HEATR3: variants seen among roughly 807,000 people sequenced by gnomAD.
HEATR3 encodes HEAT repeat containing 3, also known as HEAT repeat-containing protein 3.
Under a neutral mutation model 72.8 loss-of-function variants are expected in HEATR3, and 56 were observed. The ratio of observed to expected loss-of-function variants is 0.77; its 90% CI spans 0.62 to 0.96. The LOEUF (loss-of-function observed/expected upper bound fraction) is 0.96. Ranked by LOEUF, HEATR3 falls within the 40% of genes least tolerant of loss-of-function variation. HEATR3 has a pLI of 0.00. For synonymous variants in HEATR3, 331 were observed against 318.1 expected, an observed-to-expected ratio of 1.04 and a Z score of -0.43; for missense variants, 747 against 831.4, an observed-to-expected ratio of 0.90 and a Z score of 1.25.
chr16:50,102,047 CACTT>C (rs3217165), intron 13 of HEATR3, among the ~76,000 whole-genome samples: 13,064 of 152,062 alleles, frequency 0.086, 635 homozygotes, highest in East Asian at 0.26. Context: ...GATTTTAATT[CACTT>C]TATTTATGAA....
chr16:50,096,601 T>C (rs8062151), intron 12 of HEATR3, among the ~76,000 whole-genome samples: 120,431 of 152,176 alleles, frequency 0.79, 47,793 homozygotes, highest in South Asian at 0.84. Context: ...GAGTTCAAGA[T>C]CAGCCTGGCC....
At chr16:50,081,106 T>C (rs2036857043) in intron 7 of HEATR3, among the ~76,000 whole-genome samples, 2 of 152,256 alleles carry the variant, frequency 1.3e-5, no homozygotes, top group Admixed American at 1.3e-4. Flanking sequence ...TTTTGGTGCT[T>C]GTAAAAATGC....
chr16:50,102,540 C>A, intron 14 of HEATR3, 105 bp downstream of exon 14: 1 of 945,566 alleles, frequency 1.1e-6, no homozygotes, highest in Non-Finnish European at 1.6e-6. Context: ...CATGACGAAT[C>A]CCCATATGTA....
intron 3 of HEATR3, among the ~76,000 whole-genome samples, 166 bp downstream of exon 3, chr16:50,069,033 A>G (rs192372134): frequency 2.6e-5 from 4 of 152,224 alleles, no homozygotes; most frequent in Admixed American, 2.0e-4. Context: ...ACTAATCTCT[A>G]TTATTTTGTA....
At chr16:50,101,916 T>TTTG (rs60310403) in intron 13 of HEATR3, among the ~76,000 whole-genome samples, 16 of 151,868 alleles carry the variant, frequency 1.1e-4, no homozygotes, top group Non-Finnish European at 2.1e-4. Context: ...AAGCAGATTT[T>TTTG]TTGTTGTTGT....
intron 12 of HEATR3, 67 bp downstream of exon 12, chr16:50,094,860 A>G (rs1169112259): frequency 2.5e-6 from 2 of 806,242 alleles, no homozygotes; most frequent in Non-Finnish European, 4.1e-6. Context: ...AAAATTCATT[A>G]CTTCACTATT....
rs1229164781 is a variant in HEATR3, at chr16:50,078,854, A to G, written c.877A>G (p.Ile293Val). 1.2e-6 allele frequency: 2 copies of G among 1,614,044 alleles called. No individual in the cohort carries two copies. Among genetic ancestry groups the G allele is most frequent in the Non-Finnish European group, 8.5e-7 (1 of 1,180,032 alleles). ...VLGMDAGEMVIQMKEAETQRL... is the reference protein window; with the variant it reads ...VLGMDAGEMVVQMKEAETQRL... ...GGGAATGGATGCTGGTGAAATGGTTATTCAAATGAAAGAGGCTGAAACGCA... is the reference window on the plus strand; with the variant it reads ...GGGAATGGATGCTGGTGAAATGGTTGTTCAAATGAAAGAGGCTGAAACGCA... Residue 293 changes from isoleucine to valine, a missense_variant, in exon 7 of 15, where the codon ATT (isoleucine) becomes GTT (valine). Ile to Val is a conservative substitution (Grantham distance 29). Around this residue, in one of 2 missense-constraint regions of HEATR3, gnomAD observed 586 missense variants for 708.8 expected, o/e 0.83. Coordinates refer to ENST00000299192, the MANE Select transcript of HEATR3 (RefSeq NM_182922.4).
At chr16:50,076,994 A>G (rs1329597131) in intron 6 of HEATR3, among the ~76,000 whole-genome samples, 2 of 150,388 alleles carry the variant, frequency 1.3e-5, no homozygotes, top group Admixed American at 6.6e-5. Flanking sequence ...CAGCCTCCCG[A>G]GTAGCTGGGA....
At chr16:50,068,742 G>A (rs2036550831) in intron 2 of HEATR3, 38 bp from the exon 3 acceptor site, 1 of 1,437,054 alleles carries the variant, frequency 7.0e-7, no homozygotes. Context: ...TGTGACATGT[G>A]ATGTGAAAGT....
rs750717794 is a variant in HEATR3 at position 50,084,263 on chromosome 16, C to T, written c.1262C>T (p.Ala421Val). ...TGCCTCTCCCATGAAGTTCACACGGCTCTCACCAACTACCTCATCCCAAAG... is the reference window on the plus strand; with the variant it reads ...TGCCTCTCCCATGAAGTTCACACGGTTCTCACCAACTACCTCATCCCAAAG... ...PLCLSHEVHT[A>V]LTNYLIPKKI... The change falls in exon 9 of 15, where the codon GCT becomes GTT. Residue 421 changes from alanine to valine, a missense_variant. Around this residue, in one of 2 missense-constraint regions of HEATR3, gnomAD observed 586 missense variants for 708.8 expected, o/e 0.83. Coordinates refer to ENST00000299192, the MANE Select transcript of HEATR3 (RefSeq NM_182922.4). 1.1e-5 allele frequency: 17 copies of T among 1,613,980 alleles called. No individual in the cohort carries two copies. The highest frequency in any genetic ancestry group is 1.4e-5 in the Non-Finnish European group (17 of 1,180,032).
chr16:50,066,451 C>T lies in HEATR3; in HGVS notation c.223C>T (p.Leu75=), dbSNP rs1597132893. 1.4e-6 allele frequency: 2 copies of T among 1,389,934 alleles called. No homozygotes were observed. Among genetic ancestry groups the T allele is most frequent in the Non-Finnish European group, 9.3e-7 (1 of 1,080,274 alleles). 86.1% of individuals were successfully genotyped at this position (1,389,934 alleles called of 1,614,324 possible). The part of the protein sequence containing the change: ...LVQQRPALPG[L]ARRDAVRRLG... The stretch of plus-strand genomic sequence containing the variant: ...GCAGCAGCGGCCGGCACTCCCGGGC[C>T]TGGCGCGACGAGACGCCGTGCGCCG... The change falls in exon 2 of 15, where the codon CTG becomes TTG. Residue 75 remains leucine (L), a synonymous_variant. Transcript: ENST00000299192.
rs145709797 is a variant in HEATR3, at chr16:50,084,272, A to G, written c.1271A>G (p.Asn424Ser). 15 of 1,613,958 alleles carry G rather than the reference A, an allele frequency of 9.3e-6. No individual in the cohort carries two copies. The East Asian group carries it at 3.3e-4, about 36-fold the overall frequency. Reference sequence around the variant, plus strand: ...CATGAAGTTCACACGGCTCTCACCAACTACCTCATCCCAAAGAAGGTAATC... The same window carrying G: ...CATGAAGTTCACACGGCTCTCACCAGCTACCTCATCCCAAAGAAGGTAATC... Reference protein sequence around the residue: ...LSHEVHTALTNYLIPKKIFEK... With the variant: ...LSHEVHTALTSYLIPKKIFEK... The change falls in exon 9 of 15, where the codon AAC (asparagine) becomes AGC (serine). Residue 424 changes from asparagine to serine, a missense_variant. Physicochemically the swap from Asn to Ser is conservative, Grantham distance 46. Transcript: ENST00000299192.
At chr16:50,092,576 A>G (rs1001026334) in intron 11 of HEATR3, among the ~76,000 whole-genome samples, 4 of 150,658 alleles carry the variant, frequency 2.7e-5, no homozygotes, top group African/African-American at 9.8e-5. Flanking sequence ...AGCTGGGACT[A>G]CAGGCGCCCG....
In HEATR3 at chr16:50,102,450, A is replaced by AAAT. The variant is rs747752975; in HGVS notation, c.1920+16_1920+17insATA. On this transcript the variant is annotated intron_variant, in intron 14 of 14. Coordinates refer to ENST00000299192, the MANE Select transcript of HEATR3 (RefSeq NM_182922.4). ...TTAAAATGAAGGTTTGTAGCCATTT[A>AAAT]ACTTATAAATACATAAGTCTGAACA... The AAAT allele has an allele frequency of 1.1e-5, 17 of 1,611,062 alleles. No homozygotes were observed. The highest frequency in any genetic ancestry group is 1.4e-5 in the Non-Finnish European group (17 of 1,178,312).
At chr16:50,068,975 A>T (rs1477704239) in intron 3 of HEATR3, 108 bp downstream of exon 3, 1 of 726,162 alleles carries the variant, frequency 1.4e-6, no homozygotes, top group African/African-American at 1.8e-5. Flanking sequence ...CATCTTATGG[A>T]AATTTCATTC....
chr16:50,070,331 C>A, intron 4 of HEATR3, 41 bp downstream of exon 4: 1 of 984,322 alleles, frequency 1.0e-6, no homozygotes, highest in Non-Finnish European at 1.6e-6. Context: ...TATAGCAGTA[C>A]CCAGGCTGCT....
intron 12 of HEATR3, among the ~76,000 whole-genome samples, chr16:50,095,794 C>T (rs913206216): frequency 1.3e-5 from 2 of 152,088 alleles, no homozygotes; most frequent in Non-Finnish European, 2.9e-5. Context: ...TCACTGGGTC[C>T]TTATTTTTGT....
intron 10 of HEATR3, among the ~76,000 whole-genome samples, chr16:50,085,685 C>T (rs2036972021): frequency 6.6e-6 from 1 of 151,900 alleles, no homozygotes; most frequent in Admixed American, 6.6e-5. Flanking sequence ...TTTTCTAAAA[C>T]ATATTCCTCA....
intron 11 of HEATR3, among the ~76,000 whole-genome samples, chr16:50,092,733 C>T (rs1191583629): frequency 8.3e-6 from 1 of 119,934 alleles, no homozygotes; most frequent in Non-Finnish European, 1.8e-5. Flanking sequence ...TGAGCCACCG[C>T]GCCCGGCCCA....
Sources: allele counts gnomAD v4.1 joint callset (sites outside exome capture counted in the v4.1 genomes callset), GRCh38; gene constraint gnomAD v4.1.1; regional missense constraint gnomAD v4.1.1; transcripts MANE v1.5; gene names NCBI Gene and HGNC (gene_info 2026-07-23, HGNC 2026-07-21).